Variants in DHRS9 observed in about 807,000 individuals in gnomAD.
DHRS9 encodes the protein dehydrogenase/reductase 9, also known as dehydrogenase/reductase SDR family member 9.
DHRS9 carries 18 observed loss-of-function variants against 26.6 expected under a neutral mutation model. The observed-to-expected ratio is 0.68, with a 90% CI of 0.47 to 1.00. DHRS9 has a LOEUF of 1.00. Ranked by LOEUF, DHRS9 falls within the 50% of genes least tolerant of loss-of-function variation. The pLI is 0.00. For synonymous variants in DHRS9, 134 were observed against 141.1 expected, an observed-to-expected ratio of 0.95 and a Z score of 0.36; for missense variants, 425 against 378.7, an observed-to-expected ratio of 1.12 and a Z score of -1.01.
chr2:169,084,536 C>T (rs1684292401), intron 3 of DHRS9, among the ~76,000 whole-genome samples: 1 of 152,094 alleles, frequency 6.6e-6, no homozygotes, highest in Non-Finnish European at 1.5e-5. Flanking sequence ...GCCATTTTAA[C>T]TGGGGTAAGG....
chr2:169,094,642 A>G (rs1684637513), intron 4 of DHRS9, among the ~76,000 whole-genome samples: 1 of 151,806 alleles, frequency 6.6e-6, no homozygotes, highest in Admixed American at 6.6e-5. Context: ...TCAGCCTCCC[A>G]AAGTGCTGTA....
rs1684687046 is a variant in DHRS9 at position 169,095,980 on chromosome 2, A to T, written c.*213A>T. 1.7e-6 allele frequency: 1 copy of T among 582,932 alleles called. No homozygotes were observed. Among genetic ancestry groups the T allele is most frequent in the South Asian group, 2.0e-5 (1 of 49,130 alleles). 36.1% of individuals were successfully genotyped at this position (582,932 alleles called of 1,614,324 possible). A position where few individuals can be genotyped will look rare whatever the true frequency, so the allele number is the denominator to read the frequency against. On this transcript the variant is annotated 3_prime_UTR_variant, in exon 5 of 5. Transcript: ENST00000674881. ...AAGGAGGGCTGGAATGGTACATCAC[A>T]TAGGCAAGTCCTGCCCTGTATTTAG...
chr2:169,095,637 C>A lies in DHRS9; in HGVS notation c.830C>A (p.Pro277His). 1 of 1,613,976 alleles carries A rather than the reference C, an allele frequency of 6.2e-7. No individual in the cohort carries two copies. Among genetic ancestry groups the A allele is most frequent in the East Asian group, 2.2e-5 (1 of 44,878 alleles). ...GACCACGCTCTAACAAGTCTCTTCCCTAAGACTCATTATGCCGCTGGAAAA... is the reference window on the plus strand; with the variant it reads ...GACCACGCTCTAACAAGTCTCTTCCATAAGACTCATTATGCCGCTGGAAAA... ...CMDHALTSLF[P>H]KTHYAAGKDA... The change falls in exon 5 of 5, where the codon CCT becomes CAT. Residue 277 changes from proline to histidine, a missense_variant. Transcript: ENST00000674881.
chr2:169,081,563 A>G lies in DHRS9; in HGVS notation c.-19A>G, dbSNP rs755305226. The stretch of plus-strand genomic sequence containing the variant: ...TATTATACAAGAAAGGAGTGTACCT[A>G]TCACACACAGGGGGAAAAATGCTCT... On this transcript the variant is annotated 5_prime_UTR_variant, in exon 2 of 5. Coordinates refer to ENST00000674881, the MANE Select transcript of DHRS9 (RefSeq NM_001376924.1). 2.5e-6 allele frequency: 4 copies of G among 1,610,058 alleles called. No individual in the cohort carries two copies. The highest frequency in any genetic ancestry group is 3.4e-5 in the Admixed American group (2 of 59,454).
intron 3 of DHRS9, among the ~76,000 whole-genome samples, chr2:169,087,558 G>A (rs1684391346): frequency 6.6e-6 from 1 of 152,076 alleles, no homozygotes; most frequent in Admixed American, 6.5e-5. Flanking sequence ...AGCACAAGGA[G>A]TCTCCCCCTA....
intron 3 of DHRS9, among the ~76,000 whole-genome samples, chr2:169,086,260 G>T (rs541301893): frequency 6.6e-6 from 1 of 151,784 alleles, no homozygotes; most frequent in Admixed American, 6.6e-5. Context: ...GATCAATTCT[G>T]CTGGTAAGAG....
intron 3 of DHRS9, among the ~76,000 whole-genome samples, chr2:169,086,758 G>T (rs1023629261): frequency 6.6e-6 from 1 of 152,106 alleles, no homozygotes; most frequent in African/African-American, 2.4e-5. Flanking sequence ...GGCTCATAGA[G>T]GTACCACCTT....
upstream of DHRS9, chr2:169,069,354 G>A (rs1310772972): frequency 1.1e-6 from 1 of 914,068 alleles, no homozygotes; most frequent in Non-Finnish European, 1.3e-6. Flanking sequence ...TCAAGAGATT[G>A]TACTAATCAT....
chr2:169,095,604 A>G lies in DHRS9; in HGVS notation c.797A>G (p.Glu266Gly), dbSNP rs772289502. ...AACATGGACCTCTCTCCGGTGGTAG[A>G]GTGCATGGACCACGCTCTAACAAGT... ...YVNMDLSPVVECMDHALTSLF... is the reference protein window; with the variant it reads ...YVNMDLSPVVGCMDHALTSLF... Residue 266 changes from glutamate (E) to glycine (G), a missense_variant, in exon 5 of 5, where the codon GAG becomes GGG. Physicochemically the swap from Glu to Gly is moderately conservative, Grantham distance 98. Coordinates refer to ENST00000674881, the MANE Select transcript of DHRS9 (RefSeq NM_001376924.1). 1.9e-6 allele frequency: 3 copies of G among 1,613,900 alleles called. No individual in the cohort carries two copies. Among genetic ancestry groups the G allele is most frequent in the Non-Finnish European group, 2.5e-6 (3 of 1,179,888 alleles).
intron 3 of DHRS9, among the ~76,000 whole-genome samples, chr2:169,088,410 A>G (rs530252591): frequency 1.3e-5 from 2 of 152,218 alleles, no homozygotes; most frequent in South Asian, 2.1e-4. Flanking sequence ...TGTCTTTCCT[A>G]CCCTCTTCAG....
At chr2:169,084,801 T>G (rs574006734) in intron 3 of DHRS9, among the ~76,000 whole-genome samples, 1 of 152,274 alleles carries the variant, frequency 6.6e-6, no homozygotes, top group African/African-American at 2.4e-5. Context: ...CTTTTTTGAT[T>G]GTTTCCTTTG....
chr2:169,070,043 T>C (rs942443859), intron 1 of DHRS9: 17 of 952,596 alleles, frequency 1.8e-5, no homozygotes, highest in African/African-American at 8.8e-5. Context: ...TTATGATTAA[T>C]TGGAAACTGG....
In DHRS9 at chr2:169,081,534, C is replaced by T. The variant is rs775437689; in HGVS notation, c.-48C>T. On this transcript the variant is annotated 5_prime_UTR_variant, in exon 2 of 5. Coordinates refer to ENST00000674881, the MANE Select transcript of DHRS9 (RefSeq NM_001376924.1). ...CTTTGAACACTCAGGACACCATCTT[C>T]TTGTATTATACAAGAAAGGAGTGTA... The T allele has an allele frequency of 6.4e-7, 1 of 1,571,700 alleles. No homozygotes were observed. Among genetic ancestry groups the T allele is most frequent in the Non-Finnish European group, 8.6e-7 (1 of 1,163,446 alleles).
At chr2:169,095,006 C>T (rs1207663292) in intron 4 of DHRS9, among the ~76,000 whole-genome samples, 1 of 152,120 alleles carries the variant, frequency 6.6e-6, no homozygotes, top group African/African-American at 2.4e-5. Flanking sequence ...TATACAAGTG[C>T]ACAATTACAT....
chr2:169,084,344 G>C (rs1486975794), intron 3 of DHRS9, among the ~76,000 whole-genome samples: 2 of 151,954 alleles, frequency 1.3e-5, no homozygotes, highest in African/African-American at 4.8e-5. Flanking sequence ...CCTTTCTTTT[G>C]GGTATATACC....
chr2:169,087,595 G>C (rs1365633516), intron 3 of DHRS9, among the ~76,000 whole-genome samples: 2 of 151,846 alleles, frequency 1.3e-5, no homozygotes, highest in African/African-American at 4.8e-5. Context: ...GAATGTCCTA[G>C]GTCACACCTG....
At chr2:169,070,256 C>T (rs1683758405) in intron 1 of DHRS9, 1 of 985,188 alleles carries the variant, frequency 1.0e-6, no homozygotes, top group Non-Finnish European at 1.2e-6. Context: ...GGGAAATTCC[C>T]AACAATTCAT....
chr2:169,074,795 G>A (rs998758879), intron 1 of DHRS9, among the ~76,000 whole-genome samples: 3 of 130,836 alleles, frequency 2.3e-5, no homozygotes, highest in African/African-American at 9.3e-5. Flanking sequence ...GAGTTAAGGA[G>A]AGTGTAGCAA....
Position 169,095,930 on chromosome 2 carries a change from G to C in DHRS9, c.*163G>C, listed in dbSNP as rs1684685716. The C allele has an allele frequency of 3.0e-6, 2 of 668,674 alleles. No individual in the cohort carries two copies. Among genetic ancestry groups the C allele is most frequent in the Non-Finnish European group, 5.1e-6 (2 of 389,212 alleles). 41.4% of individuals were successfully genotyped at this position (668,674 alleles called of 1,614,324 possible). ...CCCACCATCGCTGGTGGTATCCCAG[G>C]GTCCCTGCTCAAGTTTTCTTTGAAA... On this transcript the variant is annotated 3_prime_UTR_variant, in exon 5 of 5. Coordinates refer to ENST00000674881, the MANE Select transcript of DHRS9 (RefSeq NM_001376924.1).
Sources: allele counts gnomAD v4.1 joint callset (sites outside exome capture counted in the v4.1 genomes callset), GRCh38; gene constraint gnomAD v4.1.1; transcripts MANE v1.5; gene names NCBI Gene and HGNC (gene_info 2026-07-23, HGNC 2026-07-21).